The following GRIP1 variants were observed in gnomAD, a reference collection of about 807,000 sequenced individuals.
GRIP1 encodes glutamate receptor interacting protein 1.
A neutral mutation model predicts 129.9 loss-of-function variants in GRIP1; 45 were observed. That is an observed-to-expected ratio of 0.35 (90% CI 0.27 to 0.44). GRIP1 has a LOEUF of 0.44. GRIP1 is among the 20% of genes least tolerant of loss of function. GRIP1 has a pLI of 1.00. For missense variants in GRIP1, 1,196 were observed against 1,396.8 expected (o/e 0.86, Z 2.29); for synonymous variants, 530 against 520.8 (o/e 1.02, Z -0.24).
chr12:66,450,167 G>A (rs569162328), intron 11 of GRIP1, among the ~76,000 whole-genome samples: 75 of 151,838 alleles, frequency 4.9e-4, no homozygotes, highest in Non-Finnish European at 8.0e-4. Flanking sequence ...AGCCGGGCGT[G>A]GTGGCAGGCG....
At chr12:66,467,746 G>C (rs939178726) in intron 7 of GRIP1, among the ~76,000 whole-genome samples, 4 of 152,148 alleles carry the variant, frequency 2.6e-5, no homozygotes, top group Non-Finnish European at 5.9e-5. Flanking sequence ...ACCTTTTTCT[G>C]CTCAGCCAAA....
intron 1 of GRIP1, among the ~76,000 whole-genome samples, chr12:66,741,840 T>A (rs1406279776): frequency 1.3e-5 from 2 of 152,176 alleles, no homozygotes; most frequent in Non-Finnish European, 2.9e-5. Context: ...AATCTGTGAA[T>A]ATTCTTCAAG....
chr12:66,640,928 GAAC>G (rs1010830572), intron 1 of GRIP1, among the ~76,000 whole-genome samples: 1 of 152,262 alleles, frequency 6.6e-6, no homozygotes, highest in East Asian at 1.9e-4. Flanking sequence ...AACAAGAACA[GAAC>G]AACAACACAG....
At chr12:66,504,533 T>C (rs2060475867) in intron 7 of GRIP1, among the ~76,000 whole-genome samples, 1 of 152,166 alleles carries the variant, frequency 6.6e-6, no homozygotes, top group African/African-American at 2.4e-5. Flanking sequence ...CTCAGGTAGA[T>C]GGTGTAGGTA....
chr12:66,804,588 C>T (rs940207301), upstream of GRIP1, among the ~76,000 whole-genome samples: 6 of 152,088 alleles, frequency 3.9e-5, no homozygotes, highest in Non-Finnish European at 1.5e-5. Context: ...GAGAATTTCA[C>T]TATCCAATAT....
chr12:67,031,608 C>G (rs936938221), intron 1 of GRIP1, among the ~76,000 whole-genome samples: 2 of 152,148 alleles, frequency 1.3e-5, no homozygotes, highest in African/African-American at 2.4e-5. Context: ...ACAAGGCAAT[C>G]CTGAACCCAT....
intron 7 of GRIP1, among the ~76,000 whole-genome samples, chr12:66,502,688 C>T (rs995721485): frequency 1.3e-5 from 2 of 152,132 alleles, no homozygotes; most frequent in African/African-American, 2.4e-5. Context: ...TGTGATGTGC[C>T]TGCTTCCACT....
chr12:66,516,592 T>C (rs921258568), intron 6 of GRIP1, among the ~76,000 whole-genome samples: 7 of 152,190 alleles, frequency 4.6e-5, no homozygotes, highest in African/African-American at 1.7e-4. Context: ...ATTAATTTGG[T>C]AATACAAGTA....
chr12:66,446,633 C>T (rs1274021448), intron 11 of GRIP1, among the ~76,000 whole-genome samples: 2 of 152,128 alleles, frequency 1.3e-5, no homozygotes, highest in Admixed American at 1.3e-4. Flanking sequence ...TCAAAATTCT[C>T]CCCCTTTTCT....
chr12:66,881,876 A>G (rs974822784), intron 1 of GRIP1, among the ~76,000 whole-genome samples: 10 of 152,236 alleles, frequency 6.6e-5, no homozygotes, highest in Admixed American at 5.2e-4. Flanking sequence ...AGTTGTCACA[A>G]TAACTGAGAT....
chr12:67,006,613 A>G (rs1439075078), intron 1 of GRIP1, among the ~76,000 whole-genome samples: 1 of 152,202 alleles, frequency 6.6e-6, no homozygotes, highest in Non-Finnish European at 1.5e-5. Flanking sequence ...AACATTTTAA[A>G]AGTCACATTG....
intron 22 of GRIP1, among the ~76,000 whole-genome samples, chr12:66,374,746 T>C (rs1264872101): frequency 1.3e-5 from 2 of 151,728 alleles, no homozygotes; most frequent in Non-Finnish European, 1.5e-5. Context: ...GAAAAGGTTC[T>C]GATGGAAGAA....
At chr12:66,451,188 G>A (rs1361075747) in intron 11 of GRIP1, among the ~76,000 whole-genome samples, 1 of 152,042 alleles carries the variant, frequency 6.6e-6, no homozygotes, top group Non-Finnish European at 1.5e-5. Flanking sequence ...GATTTGTAGG[G>A]AATGACTACA....
chr12:66,732,597 A>T (rs977053231), intron 1 of GRIP1, among the ~76,000 whole-genome samples: 4 of 151,656 alleles, frequency 2.6e-5, no homozygotes, highest in Non-Finnish European at 5.9e-5. Context: ...TTTTGATGAC[A>T]CTCTTCCACT....
chr12:67,009,533 C>A (rs780521909), intron 1 of GRIP1, among the ~76,000 whole-genome samples: 4 of 152,142 alleles, frequency 2.6e-5, no homozygotes, highest in Non-Finnish European at 5.9e-5. Context: ...TAGCATGATG[C>A]AGACTTTAAA....
chr12:66,621,839 G>A (rs570955694), intron 1 of GRIP1, among the ~76,000 whole-genome samples: 16 of 152,210 alleles, frequency 1.1e-4, no homozygotes, highest in Non-Finnish European at 2.2e-4. Context: ...TCTCCCTAAT[G>A]TCTAGTATTG....
chr12:66,863,745 A>C (rs1399601633), intron 1 of GRIP1, among the ~76,000 whole-genome samples: 1 of 152,162 alleles, frequency 6.6e-6, no homozygotes. Context: ...CCTGTGTTAA[A>C]GAACTGGCTG....
intron 9 of GRIP1, among the ~76,000 whole-genome samples, chr12:66,461,805 C>T (rs1046902963): frequency 6.6e-6 from 1 of 152,152 alleles, no homozygotes; most frequent in Non-Finnish European, 1.5e-5. Context: ...ATGACCCCCT[C>T]ATAAGCAAAA....
At chr12:66,616,883 G>A (rs1169796443) in intron 1 of GRIP1, among the ~76,000 whole-genome samples, 2 of 152,096 alleles carry the variant, frequency 1.3e-5, no homozygotes, top group Non-Finnish European at 2.9e-5. Flanking sequence ...TGTGACCACA[G>A]CCAAATCCTG....
Sources: gnomAD v4.1 joint callset for allele counts (sites outside exome capture counted in the v4.1 genomes callset) on GRCh38, gnomAD v4.1.1 for gene constraint, MANE v1.5 for transcripts, NCBI Gene and HGNC (gene_info 2026-07-23, HGNC 2026-07-21) for gene names.